Variants in ELOVL6 observed in about 807,000 individuals in gnomAD.
ELOVL6 encodes the protein very long chain fatty acid elongase 6.
A neutral mutation model predicts 31.7 loss-of-function variants in ELOVL6; 8 were observed. The ratio of observed to expected loss-of-function variants is 0.25; its 90% CI spans 0.15 to 0.45. ELOVL6 has a LOEUF of 0.45. Ranked by LOEUF, ELOVL6 falls within the 20% of genes least tolerant of loss-of-function variation. ELOVL6 has a pLI of 1.00. For synonymous variants in ELOVL6, 101 were observed against 117.7 expected (o/e 0.86, Z 0.92); for missense variants, 126 against 326.4 (o/e 0.39, Z 4.73).
At chr4:110,190,912 A>T (rs10019351) in intron 1 of ELOVL6, among the ~76,000 whole-genome samples, 1 of 151,308 alleles carries the variant, frequency 6.6e-6, no homozygotes, top group African/African-American at 2.4e-5. Flanking sequence ...CTCCGCCTCC[A>T]GGTTCATGCC....
chr4:110,076,200 T>C (rs1237720799), intron 2 of ELOVL6, among the ~76,000 whole-genome samples: 1 of 152,202 alleles, frequency 6.6e-6, no homozygotes, highest in African/African-American at 2.4e-5. Flanking sequence ...TTGAATCTTT[T>C]TATAGGTAAA....
At chr4:110,061,112 A>G (rs553879452) in intron 2 of ELOVL6, among the ~76,000 whole-genome samples, 1 of 152,284 alleles carries the variant, frequency 6.6e-6, no homozygotes, top group South Asian at 2.1e-4. Context: ...CCTGCAGAGG[A>G]TTACTGTCAT....
chr4:110,078,252 C>A (rs1008169176), intron 2 of ELOVL6, among the ~76,000 whole-genome samples: 1 of 152,174 alleles, frequency 6.6e-6, no homozygotes, highest in Non-Finnish European at 1.5e-5. Context: ...CACAAAGATA[C>A]TCCTCAAGAA....
chr4:110,167,430 T>G (rs535623438), intron 1 of ELOVL6, among the ~76,000 whole-genome samples: 20 of 152,348 alleles, frequency 1.3e-4, no homozygotes, highest in African/African-American at 4.3e-4. Flanking sequence ...ACATTTTTTT[T>G]GTCAAGATAT....
intron 2 of ELOVL6, among the ~76,000 whole-genome samples, chr4:110,080,282 A>T (rs1447270117): frequency 6.6e-6 from 1 of 152,052 alleles, no homozygotes; most frequent in Non-Finnish European, 1.5e-5. Flanking sequence ...GGCAGAAACA[A>T]AACAAAAAAA....
intron 1 of ELOVL6, among the ~76,000 whole-genome samples, chr4:110,194,946 CCAAAAGACAGAGTAGAAGCTTCACTATAT>C (rs1759729358): frequency 6.6e-6 from 1 of 152,078 alleles, no homozygotes; most frequent in Non-Finnish European, 1.5e-5. Context: ...CCATAAATTC[CCAAAAGACAGAGTAGAAGCTTCACTATAT>C]CATGTTTTTC....
intron 1 of ELOVL6, among the ~76,000 whole-genome samples, chr4:110,145,989 GA>G (rs1220898286): frequency 6.6e-6 from 1 of 151,842 alleles, no homozygotes; most frequent in African/African-American, 2.4e-5. Flanking sequence ...CACAAAATTG[GA>G]AAAAAACTAT....
chr4:110,076,793 C>G (rs1755645616), intron 2 of ELOVL6, among the ~76,000 whole-genome samples: 1 of 152,200 alleles, frequency 6.6e-6, no homozygotes, highest in African/African-American at 2.4e-5. Context: ...GAGGCATAAC[C>G]TCACCCAGGA....
chr4:110,196,512 T>C (rs1371100181), intron 1 of ELOVL6, among the ~76,000 whole-genome samples: 1 of 152,038 alleles, frequency 6.6e-6, no homozygotes, highest in Non-Finnish European at 1.5e-5. Flanking sequence ...TCGAGGGGCC[T>C]CGGCTGCCCC....
At chr4:110,077,682 C>T (rs1251049565) in intron 2 of ELOVL6, among the ~76,000 whole-genome samples, 2 of 152,080 alleles carry the variant, frequency 1.3e-5, no homozygotes, top group African/African-American at 2.4e-5. Flanking sequence ...ATCAGAGCAC[C>T]TCTCCTCCCC....
intron 1 of ELOVL6, among the ~76,000 whole-genome samples, chr4:110,110,888 C>A (rs10027756): frequency 0.099 from 15,023 of 152,200 alleles, 893 homozygotes; most frequent in African/African-American, 0.14. Context: ...AGGATACCAA[C>A]TAAGGTGTGA....
chr4:110,090,252 T>C (rs1373199336), intron 2 of ELOVL6, among the ~76,000 whole-genome samples: 4 of 152,214 alleles, frequency 2.6e-5, no homozygotes, highest in Non-Finnish European at 5.9e-5. Context: ...GTGTTTAGAC[T>C]GTGTATGGAG....
At chr4:110,128,148 C>A (rs190623328) in intron 1 of ELOVL6, among the ~76,000 whole-genome samples, 1 of 151,858 alleles carries the variant, frequency 6.6e-6, no homozygotes, top group Non-Finnish European at 1.5e-5. Flanking sequence ...TCAGACAGGA[C>A]GAGTATAAGC....
rs1754711450 is a variant in ELOVL6, at chr4:110,047,005, G to C, written c.*4333C>G. The C allele has an allele frequency of 6.6e-6, 1 of 152,160 alleles. No homozygotes were observed. Among genetic ancestry groups the C allele is most frequent in the South Asian group, 2.1e-4 (1 of 4,824 alleles). 9.4% of individuals were successfully genotyped at this position (152,160 alleles called of 1,614,324 possible). On this transcript the variant is annotated 3_prime_UTR_variant, in exon 4 of 4. Coordinates refer to ENST00000302274, the MANE Select transcript of ELOVL6 (RefSeq NM_024090.3). ...CAAAGAACGATGTTTCAAAAGCTGT[G>C]GGAGACAATGACTCACAGCATGAAC...
intron 2 of ELOVL6, among the ~76,000 whole-genome samples, chr4:110,065,000 A>G (rs1413845959): frequency 6.6e-6 from 1 of 152,198 alleles, no homozygotes; most frequent in African/African-American, 2.4e-5. Flanking sequence ...CGTACTTAAC[A>G]CACACCAAGT....
intron 1 of ELOVL6, among the ~76,000 whole-genome samples, chr4:110,164,446 C>T (rs552143555): frequency 3.9e-5 from 6 of 152,118 alleles, no homozygotes; most frequent in African/African-American, 1.2e-4. Context: ...AAGTCTGCCA[C>T]AAGATGCCAT....
intron 1 of ELOVL6, among the ~76,000 whole-genome samples, chr4:110,142,334 C>T (rs754405718): frequency 1.4e-4 from 22 of 152,016 alleles, no homozygotes; most frequent in African/African-American, 2.9e-4. Context: ...CATAAGCCAC[C>T]GCACCCGGCC....
At chr4:110,077,657 CT>C (rs572005140) in intron 2 of ELOVL6, among the ~76,000 whole-genome samples, 2 of 152,126 alleles carry the variant, frequency 1.3e-5, no homozygotes, top group South Asian at 4.1e-4. Flanking sequence ...AGCAGAAAAA[CT>C]GGAAACTCTA....
At chr4:110,052,389 A>G (rs1047199942) in intron 3 of ELOVL6, among the ~76,000 whole-genome samples, 14 of 152,222 alleles carry the variant, frequency 9.2e-5, no homozygotes, top group African/African-American at 3.4e-4. Context: ...AACCTAAACA[A>G]AAGACAGAAA....
Sources: gnomAD v4.1 joint callset for allele counts (sites outside exome capture counted in the v4.1 genomes callset) on GRCh38, gnomAD v4.1.1 for gene constraint, MANE v1.5 for transcripts, NCBI Gene and HGNC (gene_info 2026-07-23, HGNC 2026-07-21) for gene names.